The following WDR41 variants were observed in gnomAD, a reference collection of about 807,000 sequenced individuals.
WDR41 encodes WD repeat domain 41, also known as WD repeat-containing protein 41.
Under a neutral mutation model 69.3 loss-of-function variants are expected in WDR41, and 63 were observed. That is an observed-to-expected ratio of 0.91 (90% CI 0.74 to 1.12). The LOEUF (loss-of-function observed/expected upper bound fraction) is 1.12, where lower values mean the gene tolerates loss of function less well. WDR41 is among the 50% of genes most tolerant of loss of function. The pLI is 0.00. For missense variants in WDR41, 543 were observed against 534.5 expected, an observed-to-expected ratio of 1.02 and a Z score of -0.16; for synonymous variants, 185 against 192.1, an observed-to-expected ratio of 0.96 and a Z score of 0.31.
At chr5:77,447,531 G>A (rs940079120) in intron 8 of WDR41, among the ~76,000 whole-genome samples, 1 of 152,122 alleles carries the variant, frequency 6.6e-6, no homozygotes, top group African/African-American at 2.4e-5. Flanking sequence ...GCCCATCAAC[G>A]ATAGATTGGA....
At chr5:77,517,660 C>T (rs1354657277) in intron 1 of WDR41, among the ~76,000 whole-genome samples, 1 of 129,510 alleles carries the variant, frequency 7.7e-6, no homozygotes, top group East Asian at 2.1e-4. Context: ...ATATATATAC[C>T]AGGCTAACAG....
intron 5 of WDR41, among the ~76,000 whole-genome samples, chr5:77,456,402 T>C (rs959687049): frequency 1.2e-4 from 18 of 152,236 alleles, no homozygotes; most frequent in African/African-American, 4.3e-4. Context: ...TGAATAGAAA[T>C]ACAATTGATT....
chr5:77,557,589 T>C (rs1743426017), intron 1 of WDR41, among the ~76,000 whole-genome samples: 1 of 152,176 alleles, frequency 6.6e-6, no homozygotes, highest in South Asian at 2.1e-4. Context: ...CTAGAACACT[T>C]GTACACTTCT....
chr5:77,558,560 A>G (rs1038710117), intron 1 of WDR41, among the ~76,000 whole-genome samples: 1 of 152,166 alleles, frequency 6.6e-6, no homozygotes, highest in African/African-American at 2.4e-5. Context: ...CCAATTTGAA[A>G]ACGACCTTGG....
At chr5:77,611,024 G>T (rs1354245960) in intron 1 of WDR41, among the ~76,000 whole-genome samples, 1 of 152,172 alleles carries the variant, frequency 6.6e-6, no homozygotes, top group Non-Finnish European at 1.5e-5. Flanking sequence ...TGATAAAACA[G>T]ACTTTAAACC....
In WDR41 at chr5:77,534,495, G is replaced by C. The variant is rs192161360; in HGVS notation, c.43-44923C>G. ...GTCACCCAGGCTGGAGTGCAGTGGT[G>C]TGATCTCGGCTCACTGCAACCTCCA... On this transcript the variant is annotated intron_variant, in intron 1 of 5. Coordinates refer to the WDR41 transcript ENST00000509971. 1.5e-4 allele frequency among the ~76,000 whole-genome samples: 23 copies of C among 152,166 alleles called. No homozygotes were observed. In the East Asian group the frequency reaches 4.3e-3, roughly 28 times the overall value.
upstream of WDR41, among the ~76,000 whole-genome samples, chr5:77,495,046 TCA>T (rs1438189064): frequency 2.6e-5 from 4 of 151,482 alleles, no homozygotes; most frequent in Non-Finnish European, 5.9e-5. Flanking sequence ...AACCAATGAG[TCA>T]CAAGAAAAAG....
intron 6 of WDR41, chr5:77,452,426 A>G (rs1293118787): frequency 2.0e-5 from 3 of 152,200 alleles, no homozygotes; most frequent in Admixed American, 6.6e-5. Context: ...ATCACAAAAC[A>G]TATTACTGGA....
intron 1 of WDR41, among the ~76,000 whole-genome samples, chr5:77,522,031 G>A (rs1802377639): frequency 1.3e-5 from 2 of 152,182 alleles, no homozygotes; most frequent in South Asian, 4.1e-4. Context: ...TGAAACAATT[G>A]CAGGAGTTTT....
intron 1 of WDR41, among the ~76,000 whole-genome samples, chr5:77,615,006 A>G (rs946259211): frequency 1.3e-5 from 2 of 152,208 alleles, no homozygotes; most frequent in Admixed American, 1.3e-4. Context: ...AGTAAAATTT[A>G]TACAAATAGA....
upstream of WDR41, among the ~76,000 whole-genome samples, chr5:77,494,991 CTG>C (rs1443671010): frequency 6.6e-6 from 1 of 152,094 alleles, no homozygotes; most frequent in Non-Finnish European, 1.5e-5. Flanking sequence ...AGAAGTAAAA[CTG>C]GAAAATTCAC....
intron 1 of WDR41, among the ~76,000 whole-genome samples, chr5:77,616,104 A>G (rs1744676603): frequency 6.6e-6 from 1 of 152,044 alleles, no homozygotes. Flanking sequence ...TCAAAACTTT[A>G]TATAAACCCA....
intron 9 of WDR41, among the ~76,000 whole-genome samples, chr5:77,439,681 G>A (rs1696934012): frequency 6.6e-6 from 1 of 151,932 alleles, no homozygotes; most frequent in African/African-American, 2.4e-5. Flanking sequence ...CCTTATAGAA[G>A]GAAAGAACTC....
rs138927534 is a variant in WDR41, at chr5:77,587,219, T to C, written c.42+33260A>G. ...ATATAAATGATACAACCTGTATTTT[T>C]TTGTGTTATAGTTTCTTCTGTAAGA... On this transcript the variant is annotated intron_variant, in intron 1 of 5. Transcript: ENST00000509971. Among the ~76,000 whole-genome samples the C allele has an allele frequency of 2.5e-3, 382 of 152,118 alleles. 17 individuals are homozygous for C. In the East Asian group the frequency reaches 0.065, roughly 26 times the overall value.
chr5:77,596,336 C>T (rs151149525), intron 1 of WDR41, among the ~76,000 whole-genome samples: 193 of 152,142 alleles, frequency 1.3e-3, no homozygotes, highest in African/African-American at 3.8e-3. Context: ...TTAGTGGAGA[C>T]GGGGTTTCAC....
intron 6 of WDR41, 33 bp downstream of exon 6, chr5:77,453,784 A>G: frequency 1.3e-6 from 2 of 1,535,760 alleles, no homozygotes; most frequent in Non-Finnish European, 1.8e-6. Flanking sequence ...TAGTCTGTCA[A>G]TCATAGTTCA....
At chr5:77,606,493 T>A (rs1265198486) in intron 1 of WDR41, among the ~76,000 whole-genome samples, 1 of 152,096 alleles carries the variant, frequency 6.6e-6, no homozygotes, top group Non-Finnish European at 1.5e-5. Flanking sequence ...GAAGTGTAAA[T>A]GACTGGAGTG....
At chr5:77,616,551 C>T (rs1744684612) in intron 1 of WDR41, among the ~76,000 whole-genome samples, 1 of 152,150 alleles carries the variant, frequency 6.6e-6, no homozygotes, top group African/African-American at 2.4e-5. Context: ...AAGACACTTG[C>T]TCTCCTGAAA....
intron 1 of WDR41, among the ~76,000 whole-genome samples, chr5:77,615,441 G>A (rs1365871947): frequency 6.6e-6 from 1 of 151,946 alleles, no homozygotes; most frequent in Admixed American, 6.6e-5. Flanking sequence ...TAAGTAAATA[G>A]GATAAAATCT....
Sources: gnomAD v4.1 joint callset for allele counts (sites outside exome capture counted in the v4.1 genomes callset) on GRCh38, gnomAD v4.1.1 for gene constraint, MANE v1.5 for transcripts, NCBI Gene and HGNC (gene_info 2026-07-23, HGNC 2026-07-21) for gene names.